GTF2A1L: variants seen among roughly 807,000 people sequenced by gnomAD.
GTF2A1L encodes the protein general transcription factor IIA subunit 1 like.
A neutral mutation model predicts 49.7 loss-of-function variants in GTF2A1L; 48 were observed. The ratio of observed to expected loss-of-function variants is 0.97; its 90% confidence interval spans 0.77 to 1.23. GTF2A1L has a LOEUF of 1.23. Among genes scored for constraint, GTF2A1L ranks in the 50% most tolerant of loss-of-function variants. GTF2A1L has a pLI of 0.00. For synonymous variants in GTF2A1L, 246 were observed against 193.5 expected (o/e 1.27, Z -2.25); for missense variants, 736 against 564.8 (o/e 1.30, Z -3.07).
intron 8 of GTF2A1L, 133 bp downstream of exon 8, chr2:48,671,813 C>G: frequency 2.3e-6 from 2 of 853,192 alleles, no homozygotes; most frequent in South Asian, 2.2e-5. Context: ...TCTGGAAATT[C>G]TGAGTGTGTA....
chr2:48,623,865 A>G (rs868635781), intron 3 of GTF2A1L, among the ~76,000 whole-genome samples: 7 of 152,344 alleles, frequency 4.6e-5, no homozygotes, highest in Middle Eastern at 6.8e-3. Flanking sequence ...AACATTGGGT[A>G]CATACAGACA....
Position 48,649,060 on chromosome 2 carries a change from T to A in GTF2A1L, c.978+2018T>A, listed in dbSNP as rs146494432. The stretch of plus-strand genomic sequence containing the variant: ...TTAAGAGGTAAGGATCTATGTTGTT[T>A]GAACATTCTGTTTCACAAAATATAT... On this transcript the variant is annotated intron_variant, in intron 6 of 8. Coordinates refer to ENST00000403751, the MANE Select transcript of GTF2A1L (RefSeq NM_006872.5). Among the ~76,000 whole-genome samples, 466 of 152,340 alleles carry A rather than the reference T, an allele frequency of 3.1e-3. 3 individuals are homozygous for A. The highest frequency in any genetic ancestry group is 0.01 in the African/African-American group (433 of 41,586).
At position 48,646,705 on chromosome 2, in the gene GTF2A1L, C is replaced by A; in HGVS notation, c.641C>A (p.Thr214Asn). Residue 214 changes from threonine (T) to asparagine (N), a missense_variant, in exon 6 of 9, where the codon ACC becomes AAC. Coordinates refer to ENST00000403751, the MANE Select transcript of GTF2A1L (RefSeq NM_006872.5). ...GATAGGAAACACTTAGAAAATGCCACCAGTGATATACTTGTATCTCCTGGA... is the reference window on the plus strand; with the variant it reads ...GATAGGAAACACTTAGAAAATGCCAACAGTGATATACTTGTATCTCCTGGA... The part of the protein sequence containing the change: ...PVDRKHLENA[T>N]SDILVSPGNE... 2 of 1,614,136 alleles carry A rather than the reference C, an allele frequency of 1.2e-6. No individual in the cohort carries two copies. The highest frequency in any genetic ancestry group is 1.7e-6 in the Non-Finnish European group (2 of 1,180,024).
In GTF2A1L at chr2:48,679,541, G is replaced by T; in HGVS notation, c.*99G>T. The T allele has an allele frequency of 1.3e-6, 2 of 1,496,786 alleles. No homozygotes were observed. Among genetic ancestry groups the T allele is most frequent in the Non-Finnish European group, 1.8e-6 (2 of 1,128,872 alleles). The allele number at this position is 1,496,786 out of a possible 1,614,324, so 92.7% of individuals were successfully genotyped here. On this transcript the variant is annotated 3_prime_UTR_variant, in exon 9 of 9. Transcript: ENST00000403751. Reference sequence around the variant, plus strand: ...TTTGAATATAGTCCAGCACAGAGCTGTTCAAATTTTTAGTTCACTGTATGG... The same window carrying T: ...TTTGAATATAGTCCAGCACAGAGCTTTTCAAATTTTTAGTTCACTGTATGG...
At chr2:48,666,235 T>C (rs547494927) in intron 6 of GTF2A1L, among the ~76,000 whole-genome samples, 1 of 151,958 alleles carries the variant, frequency 6.6e-6, no homozygotes, top group South Asian at 2.1e-4. Flanking sequence ...AGATGGTGTC[T>C]CGCTCTGTCA....
chr2:48,643,693 ATTTTTTTTTTTT>A (rs71399070), intron 4 of GTF2A1L, among the ~76,000 whole-genome samples: 2 of 120,788 alleles, frequency 1.7e-5, no homozygotes, highest in African/African-American at 2.9e-5. Context: ...TATTAATACA[ATTTTTTTTTTTT>A]TTTTTTTTTT....
chr2:48,619,463 C>T (rs968539628), intron 1 of GTF2A1L, among the ~76,000 whole-genome samples: 12 of 144,292 alleles, frequency 8.3e-5, no homozygotes, highest in Non-Finnish European at 1.4e-4. Flanking sequence ...GAGCAAGACT[C>T]CATCTCAAAA....
Position 48,620,898 on chromosome 2 carries a change from G to C in GTF2A1L, c.69G>C (p.Arg23=). The stretch of plus-strand genomic sequence containing the variant: ...TTGAAGATGTAATTGAAGGAGTTCG[G>C]AATCTATTTGCTGAAGAAGGTATAG... ...SVIEDVIEGV[R]NLFAEEGIEE... Residue 23 remains arginine, a synonymous_variant, in exon 2 of 9, where the codon CGG becomes CGC. Transcript: ENST00000403751. 6.2e-7 allele frequency: 1 copy of C among 1,604,616 alleles called. No homozygotes were observed. The highest frequency in any genetic ancestry group is 2.3e-5 in the East Asian group (1 of 44,314).
At chr2:48,654,995 C>T (rs910557892) in intron 6 of GTF2A1L, among the ~76,000 whole-genome samples, 1 of 151,892 alleles carries the variant, frequency 6.6e-6, no homozygotes, top group African/African-American at 2.4e-5. Context: ...TTTATATTTC[C>T]ATATAAATAT....
intron 1 of GTF2A1L, chr2:48,618,100 C>A: frequency 1.8e-6 from 1 of 553,992 alleles, no homozygotes. Context: ...TTGGGCCAGC[C>A]CCGCCAAAAG....
intron 6 of GTF2A1L, among the ~76,000 whole-genome samples, chr2:48,664,483 G>A (rs1227835196): frequency 6.6e-6 from 1 of 152,006 alleles, no homozygotes; most frequent in Non-Finnish European, 1.5e-5. Flanking sequence ...AGATTTCGTT[G>A]TGGATTTTTG....
chr2:48,664,224 C>G (rs958200275), intron 6 of GTF2A1L, among the ~76,000 whole-genome samples: 1 of 151,678 alleles, frequency 6.6e-6, no homozygotes, highest in Admixed American at 6.6e-5. Flanking sequence ...GGAAAGCATT[C>G]TATCTTTCAC....
At chr2:48,635,019 C>G (rs965859229) in intron 3 of GTF2A1L, among the ~76,000 whole-genome samples, 1 of 152,154 alleles carries the variant, frequency 6.6e-6, no homozygotes, top group African/African-American at 2.4e-5. Flanking sequence ...CTCCTTGGCC[C>G]CAAGTTCTCT....
intron 8 of GTF2A1L, among the ~76,000 whole-genome samples, chr2:48,673,499 A>G (rs1679287075): frequency 6.6e-6 from 1 of 151,140 alleles, no homozygotes; most frequent in African/African-American, 2.4e-5. Context: ...AGTAGCTGGG[A>G]CTACAGGCGC....
At chr2:48,642,798 G>T (rs1461616023) in intron 4 of GTF2A1L, among the ~76,000 whole-genome samples, 1 of 151,884 alleles carries the variant, frequency 6.6e-6, no homozygotes, top group African/African-American at 2.4e-5. Flanking sequence ...GGAGGTTGCA[G>T]TGAGCTGAGA....
chr2:48,671,672 T>TA lies in GTF2A1L; in HGVS notation c.1322dup (p.Tyr441Ter), dbSNP rs776486905. 3 of 1,613,188 alleles carry TA rather than the reference T, an allele frequency of 1.9e-6. No individual in the cohort carries two copies. In the South Asian group the frequency reaches 3.3e-5, roughly 18 times the overall value. Residue 441 changes from tyrosine (Y) to a stop codon, truncating the protein, a stop_gained and frameshift_variant, in exon 8 of 9, where the codon TAT becomes TAAT. Transcript: ENST00000403751. LOFTEE classifies it high-confidence loss of function. ...FDTDNVIVCQ[Y>*]DKIHRSKNKW... ...CACGGATAATGTTATTGTCTGTCAG[T>TA]ATGATAAGGTACTGTATTTACCTTT...
chr2:48,657,297 C>T (rs1258227740), intron 6 of GTF2A1L, among the ~76,000 whole-genome samples: 1 of 152,134 alleles, frequency 6.6e-6, no homozygotes, highest in Admixed American at 6.6e-5. Flanking sequence ...TTATTTCCAC[C>T]ACTGGGTGTC....
intron 1 of GTF2A1L, among the ~76,000 whole-genome samples, chr2:48,619,483 T>A (rs10170334): frequency 0.049 from 6,352 of 128,916 alleles, 300 homozygotes; most frequent in African/African-American, 0.12. Flanking sequence ...AAAAAAAAAA[T>A]AATAATAATA....
intron 6 of GTF2A1L, among the ~76,000 whole-genome samples, chr2:48,666,232 G>A (rs1678832772): frequency 6.7e-6 from 1 of 149,272 alleles, no homozygotes; most frequent in African/African-American, 2.5e-5. Flanking sequence ...TTGAGATGGT[G>A]TCTCGCTCTG....
Sources: gnomAD v4.1 joint callset for allele counts (sites outside exome capture counted in the v4.1 genomes callset) on GRCh38, gnomAD v4.1.1 for gene constraint, MANE v1.5 for transcripts, NCBI Gene and HGNC (gene_info 2026-07-23, HGNC 2026-07-21) for gene names.